B3GALT5: variants seen among roughly 807,000 people sequenced by gnomAD.
The protein encoded by B3GALT5 is UDP-Gal:betaGlcNAc beta 1,3-galactosyltransferase, polypeptide 5.
For synonymous variants in B3GALT5, 156 were observed against 158.6 expected (o/e 0.98, Z 0.12); for missense variants, 328 against 396.6 (o/e 0.83, Z 1.47).
chr21:39,671,289 T>A lies in B3GALT5; in HGVS notation c.*9797T>A, dbSNP rs981179291. Reference sequence around the variant, plus strand: ...TATTTGCTTTCTCATAACATTTTTTTAATTAATTAATTTTCAGCGTTTGTT... The same window carrying A: ...TATTTGCTTTCTCATAACATTTTTTAAATTAATTAATTTTCAGCGTTTGTT... On this transcript the variant is annotated 3_prime_UTR_variant, in exon 4 of 4. Transcript: ENST00000684187. The A allele has an allele frequency of 6.6e-6, 1 of 152,252 alleles. No individual in the cohort carries two copies. Among genetic ancestry groups the A allele is most frequent in the Non-Finnish European group, 1.5e-5 (1 of 68,046 alleles). The allele number at this position is 152,252 out of a possible 1,614,324, so 9.4% of individuals were successfully genotyped here. A position where few individuals can be genotyped will look rare whatever the true frequency, so the allele number is the denominator to read the frequency against.
At chr21:39,626,836 C>T (rs1034632247) in intron 1 of B3GALT5, among the ~76,000 whole-genome samples, 2 of 152,098 alleles carry the variant, frequency 1.3e-5, no homozygotes, top group Admixed American at 6.5e-5. Context: ...AGATATGATG[C>T]TCTCACTGTG....
intron 1 of B3GALT5, among the ~76,000 whole-genome samples, chr21:39,622,601 CGTT>C (rs1349651318): frequency 6.6e-6 from 1 of 152,032 alleles, no homozygotes; most frequent in African/African-American, 2.4e-5. Context: ...TCCTGCCTAT[CGTT>C]GTAGCTTTAC....
Position 39,668,575 on chromosome 21 carries a change from C to A in B3GALT5, c.*7083C>A, listed in dbSNP as rs1195163250. 1 of 152,196 alleles carries A rather than the reference C, an allele frequency of 6.6e-6. No individual in the cohort carries two copies. The highest frequency in any genetic ancestry group is 1.5e-5 in the Non-Finnish European group (1 of 68,068). The allele number at this position is 152,196 out of a possible 1,614,324, so 9.4% of individuals were successfully genotyped here. On this transcript the variant is annotated 3_prime_UTR_variant, in exon 4 of 4. Transcript: ENST00000684187. ...TCAGTGTTAGGCATTTTTTCCCCCT[C>A]CTGCTCTGAATCAATGCGAGTGAGA...
In B3GALT5 at chr21:39,613,018, C is replaced by T. The variant is rs1273551721; in HGVS notation, c.-441C>T. 6.6e-6 allele frequency: 1 copy of T among 151,330 alleles called. No homozygotes were observed. The highest frequency in any genetic ancestry group is 1.5e-5 in the Non-Finnish European group (1 of 67,840). The allele number at this position is 151,330 out of a possible 1,614,324, so 9.4% of individuals were successfully genotyped here. ...CGCGGGCCGGGATGCGGCTCTGAGC[C>T]AGCGGCGGCTTCCAGCCCGACTGGG... On this transcript the variant is annotated 5_prime_UTR_variant, in exon 1 of 4. Coordinates refer to ENST00000684187, the MANE Select transcript of B3GALT5 (RefSeq NM_001356336.2).
At position 39,657,839 on chromosome 21, in the gene B3GALT5, C is replaced by A. The variant is rs117298342; in HGVS notation, c.-160-1914C>A. 200 of 1,231,482 alleles carry A rather than the reference C, an allele frequency of 1.6e-4. 1 individual carries two copies. In the African/African-American group the frequency reaches 2.6e-3, roughly 16 times the overall value. 76.3% of individuals were successfully genotyped at this position (1,231,482 alleles called of 1,614,324 possible). A position where few individuals can be genotyped will look rare whatever the true frequency, so the allele number is the denominator to read the frequency against. On this transcript the variant is annotated intron_variant, in intron 2 of 3. Transcript: ENST00000684187. ...GAATCTGCTGGAGAAACTGCCATTC[C>A]GTTATTGACTGGCTGGTCAGGCCAT...
In B3GALT5 at chr21:39,660,711, A is replaced by C; in HGVS notation, c.152A>C (p.Asp51Ala). Residue 51 changes from aspartate (D) to alanine (A), a missense_variant, in exon 4 of 4, where the codon GAC (aspartate) becomes GCC (alanine). Physicochemically the swap from Asp to Ala is moderately radical, Grantham distance 126. Transcript: ENST00000684187. The part of the protein sequence containing the change: ...DGNFLKLPDT[D>A]CRQTPPFLVL... Reference sequence around the variant, plus strand: ...AACTTCCTTAAGCTCCCAGATACAGACTGCAGGCAGACACCTCCCTTCCTC... The same window carrying C: ...AACTTCCTTAAGCTCCCAGATACAGCCTGCAGGCAGACACCTCCCTTCCTC... 3.2e-6 allele frequency: 5 copies of C among 1,558,028 alleles called. No individual in the cohort carries two copies. The highest frequency in any genetic ancestry group is 4.3e-6 in the Non-Finnish European group (5 of 1,154,774).
rs1297023013 is a variant in B3GALT5, at chr21:39,613,005, T to C, written c.-454T>C. The C allele has an allele frequency of 1.3e-5, 2 of 151,528 alleles. No individual in the cohort carries two copies. The highest frequency in any genetic ancestry group is 3.9e-4 in the East Asian group (2 of 5,166). The allele number at this position is 151,528 out of a possible 1,614,324, so 9.4% of individuals were successfully genotyped here. On this transcript the variant is annotated 5_prime_UTR_variant, in exon 1 of 4. The change abolishes an upstream ATG in the 5' untranslated region. Coordinates refer to ENST00000684187, the MANE Select transcript of B3GALT5 (RefSeq NM_001356336.2). ...CGCCCCCTGCGTCCGCGGGCCGGGA[T>C]GCGGCTCTGAGCCAGCGGCGGCTTC...
chr21:39,672,650 A>G lies in B3GALT5; in HGVS notation c.*11158A>G, dbSNP rs1020744401. The G allele has an allele frequency of 1.3e-5, 2 of 152,254 alleles. No homozygotes were observed. The highest frequency in any genetic ancestry group is 4.8e-5 in the African/African-American group (2 of 41,472). The allele number at this position is 152,254 out of a possible 1,614,324, so 9.4% of individuals were successfully genotyped here. A position where few individuals can be genotyped will look rare whatever the true frequency, so the allele number is the denominator to read the frequency against. ...TGATGTGATAATTCACTCTTCCCGAAAAATTGGCAAGGTAATGGTCTGAAT... is the reference window on the plus strand; with the variant it reads ...TGATGTGATAATTCACTCTTCCCGAGAAATTGGCAAGGTAATGGTCTGAAT... On this transcript the variant is annotated 3_prime_UTR_variant, in exon 4 of 4. Coordinates refer to ENST00000684187, the MANE Select transcript of B3GALT5 (RefSeq NM_001356336.2).
At chr21:39,639,326 CTTTCTTTCTTTCTTTCTTTCT>C (rs2079257727) in intron 1 of B3GALT5, among the ~76,000 whole-genome samples, 1 of 115,592 alleles carries the variant, frequency 8.7e-6, no homozygotes, top group African/African-American at 3.4e-5. Context: ...TTCTTTCTTT[CTTTCTTTCTTTCTTTCTTTCT>C]TTCCTTCCTT....
intron 2 of B3GALT5, among the ~76,000 whole-genome samples, chr21:39,649,690 C>A (rs1263593139): frequency 6.6e-6 from 1 of 152,114 alleles, no homozygotes; most frequent in Non-Finnish European, 1.5e-5. Flanking sequence ...ACCCACCTTG[C>A]TGGAGGCAGA....
intron 1 of B3GALT5, among the ~76,000 whole-genome samples, chr21:39,639,380 TTCCTTCCTTCC>T (rs1289119848): frequency 7.4e-6 from 1 of 135,696 alleles, no homozygotes; most frequent in East Asian, 2.2e-4. Context: ...CCTTCCTTCC[TTCCTTCCTTCC>T]TTCTTTCTTT....
At position 39,661,343 on chromosome 21, in the gene B3GALT5, T is replaced by A; in HGVS notation, c.784T>A (p.Ser262Thr). ...GAACATCAGATTGGAGGAGCTCCAC[T>A]CCCAGCCGACCTTTTTTCCAGGGGG... ...RLNIRLEELH[S>T]QPTFFPGGLR... The change falls in exon 4 of 4, where the codon TCC becomes ACC. Residue 262 changes from serine (S) to threonine (T), a missense_variant. Physicochemically the swap from Ser to Thr is moderately conservative, Grantham distance 58. Coordinates refer to ENST00000684187, the MANE Select transcript of B3GALT5 (RefSeq NM_001356336.2). This position sits in a 1 kb window ranked among gnomAD's most constrained non-coding sequence, Gnocchi z 4.7. 6.2e-7 allele frequency: 1 copy of A among 1,612,756 alleles called. No individual in the cohort carries two copies. Among genetic ancestry groups the A allele is most frequent in the East Asian group, 2.2e-5 (1 of 44,864 alleles).
At chr21:39,640,669 C>G (rs946561327) in intron 1 of B3GALT5, among the ~76,000 whole-genome samples, 1 of 151,518 alleles carries the variant, frequency 6.6e-6, no homozygotes, top group Admixed American at 6.6e-5. Context: ...TGGATTCCAT[C>G]AAGAAAGATG....
chr21:39,652,297 G>T (rs910535950), intron 2 of B3GALT5, among the ~76,000 whole-genome samples: 1 of 152,220 alleles, frequency 6.6e-6, no homozygotes, highest in African/African-American at 2.4e-5. Flanking sequence ...CACCCTGTTT[G>T]TCATATAACT....
chr21:39,616,715 A>C (rs1030706169), intron 1 of B3GALT5, among the ~76,000 whole-genome samples: 15 of 152,144 alleles, frequency 9.9e-5, no homozygotes, highest in Admixed American at 5.9e-4. Flanking sequence ...CTGGAGATAC[A>C]GTTTATCAGC....
intron 1 of B3GALT5, chr21:39,630,214 T>A (rs1180379739): frequency 6.6e-6 from 1 of 152,172 alleles, no homozygotes; most frequent in East Asian, 1.9e-4. Context: ...TAAAAAAGTG[T>A]CATATTTTAG....
chr21:39,663,087 T>G lies in B3GALT5; in HGVS notation c.*1595T>G, dbSNP rs2079544517. On this transcript the variant is annotated 3_prime_UTR_variant, in exon 4 of 4. Coordinates refer to ENST00000684187, the MANE Select transcript of B3GALT5 (RefSeq NM_001356336.2). ...AAGCCTCCTTCTCAGGTGGAAAAAA[T>G]CAGGGACTGAGCTTGTCTTTTGAAG... The G allele has an allele frequency of 6.6e-6, 1 of 152,110 alleles. No homozygotes were observed. Among genetic ancestry groups the G allele is most frequent in the Non-Finnish European group, 1.5e-5 (1 of 68,002 alleles). 9.4% of individuals were successfully genotyped at this position (152,110 alleles called of 1,614,324 possible). A position where few individuals can be genotyped will look rare whatever the true frequency, so the allele number is the denominator to read the frequency against.
chr21:39,623,929 C>T (rs2079150645), intron 1 of B3GALT5, among the ~76,000 whole-genome samples: 2 of 152,230 alleles, frequency 1.3e-5, no homozygotes, highest in African/African-American at 4.8e-5. Flanking sequence ...CAGAGTAAGC[C>T]AACCCTCTTC....
intron 1 of B3GALT5, among the ~76,000 whole-genome samples, chr21:39,645,188 G>A (rs555535963): frequency 1.3e-5 from 2 of 152,284 alleles, no homozygotes; most frequent in South Asian, 4.2e-4. Context: ...CGTTCCCGGA[G>A]TCTTACTTGG....
Sources: gnomAD v4.1 joint callset for allele counts (sites outside exome capture counted in the v4.1 genomes callset) on GRCh38, gnomAD v4.1.1 for gene constraint, Gnocchi (gnomAD v3.1) non-coding constraint, MANE v1.5 for transcripts, NCBI Gene and HGNC (gene_info 2026-07-23, HGNC 2026-07-21) for gene names.